KLHL1: variants seen among roughly 807,000 people sequenced by gnomAD.
KLHL1 encodes the protein kelch-like protein 1.
In KLHL1, 47 loss-of-function variants were observed where a neutral mutation model predicts 77.7. The observed-to-expected ratio is 0.60, with a 90% confidence interval of 0.48 to 0.77. The LOEUF (loss-of-function observed/expected upper bound fraction) is 0.77, where lower values mean the gene tolerates loss of function less well. Ranked by LOEUF, KLHL1 falls within the 30% of genes least tolerant of loss-of-function variation. KLHL1 has a pLI of 0.00. For synonymous variants in KLHL1, 360 were observed against 325.2 expected (o/e 1.11, Z -1.15); for missense variants, 925 against 910.8 (o/e 1.02, Z -0.20).
intron 1 of KLHL1, among the ~76,000 whole-genome samples, chr13:70,093,247 G>T (rs1211255045): frequency 6.6e-6 from 1 of 152,150 alleles, no homozygotes; most frequent in East Asian, 1.9e-4. Flanking sequence ...AGGGAAATAG[G>T]AAAATCAAGA....
chr13:69,856,597 A>T (rs1413501592), intron 5 of KLHL1, among the ~76,000 whole-genome samples: 1 of 152,074 alleles, frequency 6.6e-6, no homozygotes, highest in Admixed American at 6.6e-5. Context: ...AATTCCAGAC[A>T]TTCCAAACAT....
chr13:69,889,160 ATGT>A (rs1881333654), intron 4 of KLHL1, among the ~76,000 whole-genome samples: 2 of 152,170 alleles, frequency 1.3e-5, no homozygotes, highest in South Asian at 4.1e-4. Context: ...AATTACCTTA[ATGT>A]TGTTGCACTG....
chr13:70,017,939 T>A (rs1885699335), intron 1 of KLHL1, among the ~76,000 whole-genome samples: 2 of 152,162 alleles, frequency 1.3e-5, no homozygotes, highest in South Asian at 4.1e-4. Flanking sequence ...AAGAGTGTAA[T>A]TTTAAAGGTT....
chr13:69,778,225 T>C (rs1875934256), intron 7 of KLHL1, among the ~76,000 whole-genome samples: 1 of 152,086 alleles, frequency 6.6e-6, no homozygotes, highest in African/African-American at 2.4e-5. Context: ...AAACCTAGGT[T>C]AGTTATATAA....
At chr13:70,023,126 G>GTTTT in intron 1 of KLHL1, among the ~76,000 whole-genome samples, 1 of 151,742 alleles carries the variant, frequency 6.6e-6, no homozygotes, top group African/African-American at 2.4e-5. Context: ...ATGCTTTTCT[G>GTTTT]AGGTAAAACA....
chr13:69,952,874 T>C (rs1028902919), intron 3 of KLHL1, among the ~76,000 whole-genome samples: 1 of 151,398 alleles, frequency 6.6e-6, no homozygotes, highest in Non-Finnish European at 1.5e-5. Flanking sequence ...TGTTTATATT[T>C]GCTTGTTTTC....
At chr13:69,732,263 T>C (rs1013036756) in intron 8 of KLHL1, among the ~76,000 whole-genome samples, 4 of 152,086 alleles carry the variant, frequency 2.6e-5, no homozygotes, top group African/African-American at 7.2e-5. Flanking sequence ...TGCTAAAATA[T>C]ATCTCAAATC....
At chr13:69,813,964 G>A (rs372355233) in intron 6 of KLHL1, among the ~76,000 whole-genome samples, 1 of 152,094 alleles carries the variant, frequency 6.6e-6, no homozygotes, top group African/African-American at 2.4e-5. Flanking sequence ...AAAGAATAAA[G>A]TTGGAGGCAT....
chr13:69,734,280 G>C (rs1394463504), intron 8 of KLHL1, among the ~76,000 whole-genome samples: 1 of 152,112 alleles, frequency 6.6e-6, no homozygotes, highest in Non-Finnish European at 1.5e-5. Flanking sequence ...TGCCACCATT[G>C]TAAGTTTCCT....
intron 7 of KLHL1, among the ~76,000 whole-genome samples, chr13:69,742,527 C>T (rs548302878): frequency 7.2e-5 from 11 of 152,088 alleles, no homozygotes; most frequent in African/African-American, 9.6e-5. Flanking sequence ...TTATTGGCAC[C>T]GATGACACAG....
chr13:69,928,339 A>C (rs1216675858), intron 4 of KLHL1, among the ~76,000 whole-genome samples: 1 of 152,184 alleles, frequency 6.6e-6, no homozygotes, highest in Non-Finnish European at 1.5e-5. Flanking sequence ...CCGATTCCCT[A>C]ACTTTTCAGG....
At chr13:69,737,406 C>T (rs1041429764) in intron 8 of KLHL1, among the ~76,000 whole-genome samples, 22 of 152,232 alleles carry the variant, frequency 1.4e-4, no homozygotes, top group Non-Finnish European at 2.4e-4. Flanking sequence ...CTCGCTCCCA[C>T]GGAACCCCAC....
chr13:69,735,286 G>T (rs181656941), intron 8 of KLHL1, among the ~76,000 whole-genome samples: 82 of 151,420 alleles, frequency 5.4e-4, no homozygotes, highest in Admixed American at 1.4e-3. Context: ...AGACTATAAA[G>T]CACTATAAAG....
chr13:69,916,462 C>T lies in KLHL1; in HGVS notation c.1014+23578G>A, dbSNP rs1393637971. On this transcript the variant is annotated intron_variant, in intron 4 of 10. Coordinates refer to ENST00000377844, the MANE Select transcript of KLHL1 (RefSeq NM_020866.3). ...GTAGGGACATGGATGAAGCTGGAAACCATCATTCTCAGCAAACTATCGCAA... is the reference window on the plus strand; with the variant it reads ...GTAGGGACATGGATGAAGCTGGAAATCATCATTCTCAGCAAACTATCGCAA... Among the ~76,000 whole-genome samples the T allele has an allele frequency of 3.3e-5, 5 of 151,954 alleles. No individual in the cohort carries two copies. In the East Asian group the frequency reaches 9.7e-4, roughly 30 times the overall value.
At chr13:69,787,578 A>C (rs1446112395) in intron 7 of KLHL1, among the ~76,000 whole-genome samples, 1 of 152,244 alleles carries the variant, frequency 6.6e-6, no homozygotes, top group Admixed American at 6.5e-5. Context: ...CCTAGGCAGT[A>C]CCATTCAGGA....
At chr13:69,915,633 A>G (rs1020301776) in intron 4 of KLHL1, among the ~76,000 whole-genome samples, 112 of 152,202 alleles carry the variant, frequency 7.4e-4, no homozygotes, top group Non-Finnish European at 2.1e-4. Context: ...CTGAAACCAT[A>G]AAAACCCTAG....
chr13:70,100,719 TCTTTA>T (rs1887905335), intron 1 of KLHL1, among the ~76,000 whole-genome samples: 1 of 152,224 alleles, frequency 6.6e-6, no homozygotes, highest in African/African-American at 2.4e-5. Context: ...TCAGATCTTT[TCTTTA>T]AAGTTTTAAA....
intron 4 of KLHL1, among the ~76,000 whole-genome samples, chr13:69,890,917 G>T (rs1030483907): frequency 3.3e-5 from 5 of 151,792 alleles, no homozygotes; most frequent in East Asian, 3.9e-4. Flanking sequence ...ACATATACTT[G>T]TTTAATTAAT....
In KLHL1 at chr13:69,701,417, GC is replaced by G; in HGVS notation, c.*284del. The G allele has an allele frequency of 3.7e-6, 1 of 267,738 alleles. No individual in the cohort carries two copies. The highest frequency in any genetic ancestry group is 7.0e-6 in the Non-Finnish European group (1 of 143,114). 16.6% of individuals were successfully genotyped at this position (267,738 alleles called of 1,614,324 possible). On this transcript the variant is annotated 3_prime_UTR_variant, in exon 11 of 11. Coordinates refer to ENST00000377844, the MANE Select transcript of KLHL1 (RefSeq NM_020866.3). ...CTTTCAACTGCTCAAGAAAAAACAA[GC>G]CTTTGGTAACTCTAGTTATTGTATG... is the stretch of plus-strand genomic sequence containing the variant.
Sources: allele counts gnomAD v4.1 joint callset (sites outside exome capture counted in the v4.1 genomes callset), GRCh38; gene constraint gnomAD v4.1.1; transcripts MANE v1.5; gene names NCBI Gene and HGNC (gene_info 2026-07-23, HGNC 2026-07-21).